The following FNDC3A variants were observed in gnomAD, a reference collection of about 807,000 sequenced individuals.
FNDC3A encodes fibronectin type-III domain-containing protein 3A.
A neutral mutation model predicts 148.9 loss-of-function variants in FNDC3A; 32 were observed. The observed-to-expected ratio is 0.21, with a 90% CI of 0.16 to 0.29. FNDC3A has a LOEUF of 0.29. FNDC3A is among the 10% of genes least tolerant of loss of function. FNDC3A has a pLI of 1.00. For missense variants in FNDC3A, 1,191 were observed against 1,452.8 expected (o/e 0.82, Z 2.93); for synonymous variants, 472 against 473.6 (o/e 1.00, Z 0.04).
At chr13:49,135,491 T>C (rs1462132653) in intron 5 of FNDC3A, among the ~76,000 whole-genome samples, 1 of 152,182 alleles carries the variant, frequency 6.6e-6, no homozygotes, top group African/African-American at 2.4e-5. Flanking sequence ...ATTTGGGTCA[T>C]TGATTCATTT....
chr13:49,172,120 A>G (rs746823007), intron 11 of FNDC3A, 24 bp downstream of exon 11: 1 of 1,452,134 alleles, frequency 6.9e-7, no homozygotes, highest in Admixed American at 1.7e-5. Flanking sequence ...ATCTTTTTAA[A>G]TGGTTAACAT....
chr13:49,044,924 A>G, intron 2 of FNDC3A: 2 of 283,024 alleles, frequency 7.1e-6, no homozygotes, highest in South Asian at 3.7e-5. Flanking sequence ...CACATCTTTC[A>G]TAGCTGTAGA....
intron 3 of FNDC3A, among the ~76,000 whole-genome samples, chr13:49,099,765 G>T (rs1473358432): frequency 6.6e-6 from 1 of 151,934 alleles, no homozygotes; most frequent in Non-Finnish European, 1.5e-5. Context: ...ACTTAATATT[G>T]TAAAAATATT....
At chr13:49,027,232 A>G (rs1873780298) in intron 2 of FNDC3A, among the ~76,000 whole-genome samples, 1 of 152,188 alleles carries the variant, frequency 6.6e-6, no homozygotes, top group Non-Finnish European at 1.5e-5. Context: ...AAGGACGTTG[A>G]GTTTAAACTC....
intron 4 of FNDC3A, among the ~76,000 whole-genome samples, chr13:49,121,530 AC>A (rs1265333371): frequency 6.6e-6 from 1 of 152,114 alleles, no homozygotes; most frequent in Non-Finnish European, 1.5e-5. Flanking sequence ...ACAAAAATAA[AC>A]CCTTCAAAAA....
chr13:49,181,239 G>A (rs912965096), intron 14 of FNDC3A, among the ~76,000 whole-genome samples: 1 of 152,186 alleles, frequency 6.6e-6, no homozygotes, highest in Admixed American at 6.5e-5. Flanking sequence ...AAAACAATAT[G>A]TCTGAAAGCC....
intron 4 of FNDC3A, among the ~76,000 whole-genome samples, chr13:49,116,322 G>A (rs1445498253): frequency 1.3e-5 from 2 of 151,962 alleles, no homozygotes; most frequent in Non-Finnish European, 2.9e-5. Context: ...TCTCTTTCCT[G>A]AGACTATGAA....
At chr13:49,101,801 T>A (rs926737996) in intron 3 of FNDC3A, among the ~76,000 whole-genome samples, 1 of 151,156 alleles carries the variant, frequency 6.6e-6, no homozygotes, top group Non-Finnish European at 1.5e-5. Context: ...TTAGTTTTTT[T>A]TTTTTTTTTT....
chr13:49,012,214 T>C (rs1009841570), intron 2 of FNDC3A, among the ~76,000 whole-genome samples: 1 of 151,964 alleles, frequency 6.6e-6, no homozygotes, highest in Admixed American at 6.6e-5. Context: ...CATGGGTTCA[T>C]GCCATTCTCC....
At position 49,209,128 on chromosome 13, in the gene FNDC3A, C is replaced by G. The variant is rs896335149; in HGVS notation, c.*1733C>G. 6.6e-6 allele frequency: 1 copy of G among 152,466 alleles called. No individual in the cohort carries two copies. Among genetic ancestry groups the G allele is most frequent in the African/African-American group, 2.4e-5 (1 of 41,412 alleles). 9.4% of individuals were successfully genotyped at this position (152,466 alleles called of 1,614,324 possible). A position where few individuals can be genotyped will look rare whatever the true frequency, so the allele number is the denominator to read the frequency against. ...CCTTCCCCAGAAACAACAGTGATTG[C>G]GATTGTTTTCTAGAAACTTCTTTAA... On this transcript the variant is annotated 3_prime_UTR_variant, in exon 26 of 26. Coordinates refer to ENST00000492622, the MANE Select transcript of FNDC3A (RefSeq NM_001079673.2).
intron 9 of FNDC3A, 64 bp from the exon 10 acceptor site, chr13:49,168,549 T>G: frequency 9.0e-6 from 11 of 1,218,814 alleles, no homozygotes; most frequent in Non-Finnish European, 1.2e-5. Flanking sequence ...TACTTAAAGG[T>G]GACACTATTG....
At chr13:49,056,658 C>A (rs1236390520) in intron 2 of FNDC3A, among the ~76,000 whole-genome samples, 1 of 152,074 alleles carries the variant, frequency 6.6e-6, no homozygotes, top group Non-Finnish European at 1.5e-5. Flanking sequence ...TTTTCCAGTT[C>A]ACCTGTTTTC....
At chr13:49,189,792 C>CT (rs1277521668) in intron 17 of FNDC3A, among the ~76,000 whole-genome samples, 1 of 152,116 alleles carries the variant, frequency 6.6e-6, no homozygotes, top group African/African-American at 2.4e-5. Context: ...ACATAGATAG[C>CT]TTTCTGATAA....
chr13:49,174,279 A>G (rs1199901155), intron 11 of FNDC3A, among the ~76,000 whole-genome samples, 156 bp from the exon 12 acceptor site: 3 of 152,222 alleles, frequency 2.0e-5, no homozygotes, highest in Admixed American at 2.0e-4. Context: ...TTGATGATCT[A>G]TATCATATAA....
intron 2 of FNDC3A, among the ~76,000 whole-genome samples, chr13:49,008,306 G>C (rs1680323955): frequency 6.6e-6 from 1 of 152,122 alleles, no homozygotes; most frequent in Non-Finnish European, 1.5e-5. Context: ...ATAATAATTA[G>C]AGGTGGGAGC....
intron 2 of FNDC3A, among the ~76,000 whole-genome samples, chr13:49,036,343 C>T (rs758673204): frequency 5.9e-5 from 9 of 152,106 alleles, no homozygotes; most frequent in Non-Finnish European, 8.8e-5. Flanking sequence ...GTTTCTCATC[C>T]CTACTAGTCA....
At chr13:49,091,937 G>A (rs892783657) in intron 3 of FNDC3A, among the ~76,000 whole-genome samples, 1 of 152,234 alleles carries the variant, frequency 6.6e-6, no homozygotes, top group African/African-American at 2.4e-5. Context: ...ATGGTGACTT[G>A]ATGACCCATA....
intron 1 of FNDC3A, among the ~76,000 whole-genome samples, chr13:48,991,248 A>G (rs1290754287): frequency 4.6e-5 from 7 of 152,260 alleles, no homozygotes; most frequent in Admixed American, 4.6e-4. Flanking sequence ...TGCCATGCTT[A>G]CACTATCCAA....
chr13:49,151,154 A>G (rs1235550664), intron 8 of FNDC3A, among the ~76,000 whole-genome samples: 2 of 152,090 alleles, frequency 1.3e-5, no homozygotes, highest in Non-Finnish European at 2.9e-5. Context: ...TTCTGTCTAG[A>G]TGATCTGTCT....
Sources: gnomAD v4.1 joint callset for allele counts (sites outside exome capture counted in the v4.1 genomes callset) on GRCh38, gnomAD v4.1.1 for gene constraint, MANE v1.5 for transcripts, NCBI Gene and HGNC (gene_info 2026-07-23, HGNC 2026-07-21) for gene names.